Variants in SCARA5 observed in about 807,000 individuals in gnomAD.
SCARA5 encodes scavenger receptor class A, member 5 (putative).
In SCARA5, 45 loss-of-function variants were observed where a neutral mutation model predicts 46.3. The ratio of observed to expected loss-of-function variants is 0.97; its 90% CI spans 0.76 to 1.24. The LOEUF (loss-of-function observed/expected upper bound fraction) is 1.24, where lower values mean the gene tolerates loss of function less well. SCARA5 is among the 50% of genes most tolerant of loss of function. The pLI, the probability that SCARA5 is intolerant of heterozygous loss-of-function variation, is 0.00. For synonymous variants in SCARA5, 333 were observed against 306.5 expected (o/e 1.09, Z -0.90); for missense variants, 680 against 689.0 (o/e 0.99, Z 0.15).
chr8:27,990,484 T>C (rs1808772540), intron 1 of SCARA5, among the ~76,000 whole-genome samples: 1 of 152,084 alleles, frequency 6.6e-6, no homozygotes, highest in Admixed American at 6.5e-5. Context: ...GGGGGTAGGC[T>C]GATGGCATTT....
At chr8:27,982,477 A>G (rs981067289) in intron 2 of SCARA5, among the ~76,000 whole-genome samples, 15 of 152,122 alleles carry the variant, frequency 9.9e-5, no homozygotes, top group African/African-American at 3.6e-4. Context: ...AGGCCGCTAG[A>G]GGCAGCTTGG....
intron 7 of SCARA5, chr8:27,904,424 A>G (rs1198136717): frequency 6.6e-6 from 3 of 453,322 alleles, no homozygotes; most frequent in East Asian, 6.2e-5. Flanking sequence ...AACTCATTCA[A>G]TTTTCACAAT....
chr8:27,925,867 A>T lies in SCARA5; in HGVS notation c.242-3622T>A, dbSNP rs1807672347. On this transcript the variant is annotated intron_variant, in intron 3 of 8. Coordinates refer to ENST00000354914, the MANE Select transcript of SCARA5 (RefSeq NM_173833.6). ...GAAAAAATGCTCATCATCACTGGCC[A>T]TCAGAGAAATGCAAATGAGAACCAC... is the stretch of plus-strand genomic sequence containing the variant. Among the ~76,000 whole-genome samples the T allele has an allele frequency of 2.0e-5, 3 of 152,374 alleles. No individual in the cohort carries two copies. In the East Asian group the frequency reaches 5.8e-4, roughly 29 times the overall value.
At position 27,988,994 on chromosome 8, in the gene SCARA5, G is replaced by A. The variant is rs1229554944; in HGVS notation, c.-15-1364C>T. ...GTCAATCAGTTTCTCTTCAGAGGGA[G>A]GGTGGGCAAGGAGGCGTGGCAACTT... On this transcript the variant is annotated intron_variant, in intron 1 of 8. Transcript: ENST00000354914. 2.6e-5 allele frequency among the ~76,000 whole-genome samples: 4 copies of A among 152,108 alleles called. No individual in the cohort carries two copies. The South Asian group carries it at 6.2e-4, about 24-fold the overall frequency.
intron 4 of SCARA5, among the ~76,000 whole-genome samples, chr8:27,921,248 G>C (rs1006083182): frequency 5.9e-5 from 9 of 152,198 alleles, no homozygotes; most frequent in Admixed American, 2.6e-4. Flanking sequence ...GCACACCCAC[G>C]CAAGCTGACC....
intron 8 of SCARA5, among the ~76,000 whole-genome samples, chr8:27,876,723 T>C (rs1460715053): frequency 6.6e-6 from 1 of 151,856 alleles, no homozygotes; most frequent in Admixed American, 6.6e-5. Flanking sequence ...AAGCCCCAGG[T>C]GTGGAGGCAG....
Position 27,871,780 on chromosome 8 carries a change from C to A in SCARA5, c.*154G>T. 1 of 1,473,716 alleles carries A rather than the reference C, an allele frequency of 6.8e-7. No homozygotes were observed. The highest frequency in any genetic ancestry group is 9.0e-7 in the Non-Finnish European group (1 of 1,114,776). 91.3% of individuals were successfully genotyped at this position (1,473,716 alleles called of 1,614,324 possible). On this transcript the variant is annotated 3_prime_UTR_variant, in exon 9 of 9. Transcript: ENST00000354914. ...ACATGTTCAAGAGGGAAATGACGAC[C>A]GGCCCCCACGGTCCTGGGATGCAGG...
At chr8:27,892,605 C>CTTTTTTTTTT (rs1224026831) in intron 7 of SCARA5, among the ~76,000 whole-genome samples, 2 of 119,788 alleles carry the variant, frequency 1.7e-5, no homozygotes, top group Non-Finnish European at 1.8e-5. Flanking sequence ...CATACCTCAC[C>CTTTTTTTTTT]CTTTTTTTTT....
intron 2 of SCARA5, among the ~76,000 whole-genome samples, chr8:27,976,153 G>C (rs950803781): frequency 1.3e-5 from 2 of 152,138 alleles, no homozygotes; most frequent in Non-Finnish European, 2.9e-5. Flanking sequence ...GCTGGGGGAG[G>C]GGAGGGCAGG....
At chr8:27,909,527 G>C in intron 5 of SCARA5, 136 bp downstream of exon 5, 1 of 615,982 alleles carries the variant, frequency 1.6e-6, no homozygotes, top group Non-Finnish European at 2.9e-6. Flanking sequence ...TTAGTCTCTT[G>C]TTGGAACAGA....
At position 27,879,690 on chromosome 8, in the gene SCARA5, G is replaced by A. The variant is rs1166283614; in HGVS notation, c.1230C>T (p.His410=). ...CACACACGGTGCCCCAACGCCGGTC[G>A]TGGTACACTTCCACGCGGCCCTCGT... is the stretch of plus-strand genomic sequence containing the variant. ...GPHEGRVEVY[H]DRRWGTVCDD... Residue 410 remains histidine, a synonymous_variant, in exon 8 of 9, where the codon CAC becomes CAT. Coordinates refer to ENST00000354914, the MANE Select transcript of SCARA5 (RefSeq NM_173833.6). The A allele has an allele frequency of 6.2e-7, 1 of 1,613,034 alleles. No individual in the cohort carries two copies. Among genetic ancestry groups the A allele is most frequent in the Admixed American group, 1.7e-5 (1 of 60,022 alleles).
At chr8:27,957,759 G>T (rs946206562) in intron 3 of SCARA5, among the ~76,000 whole-genome samples, 1 of 152,202 alleles carries the variant, frequency 6.6e-6, no homozygotes, top group Admixed American at 6.5e-5. Flanking sequence ...GATTCCTTAG[G>T]ATTGTTGTAA....
intron 3 of SCARA5, among the ~76,000 whole-genome samples, chr8:27,958,175 C>G (rs1221713692): frequency 1.3e-5 from 2 of 152,194 alleles, no homozygotes; most frequent in African/African-American, 4.8e-5. Flanking sequence ...GATTCGCAGG[C>G]AGTGTTTCAG....
intron 7 of SCARA5, chr8:27,886,203 A>C (rs922865285): frequency 3.3e-5 from 5 of 152,266 alleles, no homozygotes; most frequent in Non-Finnish European, 5.9e-5. Flanking sequence ...GTTCCTCACC[A>C]CCTGTCCCCA....
chr8:27,920,718 A>C (rs542399935), intron 4 of SCARA5, among the ~76,000 whole-genome samples: 80 of 152,088 alleles, frequency 5.3e-4, no homozygotes, highest in African/African-American at 1.9e-3. Flanking sequence ...AGGCTAAGGC[A>C]GGAGGATCAC....
intron 3 of SCARA5, among the ~76,000 whole-genome samples, chr8:27,925,434 T>A (rs2129825655): frequency 6.6e-6 from 1 of 152,302 alleles, no homozygotes; most frequent in South Asian, 2.1e-4. Flanking sequence ...TGGCTAGCCA[T>A]ATGTAGAAGG....
chr8:27,879,229 G>A (rs1360918962), intron 8 of SCARA5, among the ~76,000 whole-genome samples: 2 of 152,142 alleles, frequency 1.3e-5, no homozygotes, highest in African/African-American at 4.8e-5. Flanking sequence ...ACATAATAGA[G>A]ACATGAGAGC....
Position 27,986,927 on chromosome 8 carries a change from C to T in SCARA5, c.112+577G>A, listed in dbSNP as rs141203762. Among the ~76,000 whole-genome samples, 543 of 152,334 alleles carry T rather than the reference C, an allele frequency of 3.6e-3. 2 individuals carry two copies. The highest frequency in any genetic ancestry group is 0.013 in the African/African-American group (528 of 41,586). ...CACAGGAGCCAAGCTGGTGGAAAAG[C>T]GCTCTGGGCTCCTCCAAAGGAAGCT... On this transcript the variant is annotated intron_variant, in intron 2 of 8. Transcript: ENST00000354914.
Position 27,870,917 on chromosome 8 carries a change from A to T in SCARA5, c.*1017T>A, listed in dbSNP as rs1806627965. 6.6e-6 allele frequency: 1 copy of T among 152,254 alleles called. No homozygotes were observed. Among genetic ancestry groups the T allele is most frequent in the African/African-American group, 2.4e-5 (1 of 41,458 alleles). 9.4% of individuals were successfully genotyped at this position (152,254 alleles called of 1,614,324 possible). ...GACTTGGCTTTAACCGTGACTGCCC[A>T]ATGCCAGAGCACTGGACTCAGGTTT... On this transcript the variant is annotated 3_prime_UTR_variant, in exon 9 of 9. Coordinates refer to ENST00000354914, the MANE Select transcript of SCARA5 (RefSeq NM_173833.6).
Sources: allele counts gnomAD v4.1 joint callset (sites outside exome capture counted in the v4.1 genomes callset), GRCh38; gene constraint gnomAD v4.1.1; transcripts MANE v1.5; gene names NCBI Gene and HGNC (gene_info 2026-07-23, HGNC 2026-07-21).